GABRA2: variants seen among roughly 807,000 people sequenced by gnomAD.
GABRA2 encodes the protein gamma-aminobutyric acid receptor subunit alpha-2.
A neutral mutation model predicts 48.7 loss-of-function variants in GABRA2; 16 were observed. That is an observed-to-expected ratio of 0.33 (90% CI 0.22 to 0.50). The LOEUF is 0.50. GABRA2 is among the 20% of genes least tolerant of loss of function. GABRA2 has a pLI of 0.98. For synonymous variants in GABRA2, 185 were observed against 184.5 expected, an observed-to-expected ratio of 1.00 and a Z score of -0.02; for missense variants, 275 against 535.6, an observed-to-expected ratio of 0.51 and a Z score of 4.80.
At chr4:46,264,583 G>A (rs1382696913) in intron 8 of GABRA2, among the ~76,000 whole-genome samples, 4 of 151,954 alleles carry the variant, frequency 2.6e-5, no homozygotes, top group East Asian at 1.9e-4. Flanking sequence ...ATTTTAGTTT[G>A]CTAGTATTTT....
At chr4:46,259,232 GA>G (rs1349927864) in intron 9 of GABRA2, among the ~76,000 whole-genome samples, 1 of 151,836 alleles carries the variant, frequency 6.6e-6, no homozygotes, top group Non-Finnish European at 1.5e-5. Flanking sequence ...CACCGGATAT[GA>G]AAAAGGGTTC....
At chr4:46,258,968 AAG>A (rs1000132891) in intron 9 of GABRA2, among the ~76,000 whole-genome samples, 10 of 151,888 alleles carry the variant, frequency 6.6e-5, no homozygotes, top group African/African-American at 2.4e-4. Context: ...GAATACAGAA[AAG>A]AGGGGAGAAG....
At chr4:46,320,041 C>T (rs1454238809) in intron 4 of GABRA2, among the ~76,000 whole-genome samples, 3 of 151,656 alleles carry the variant, frequency 2.0e-5, no homozygotes. Context: ...TTTCATTATA[C>T]CATACATAAA....
In GABRA2 at chr4:46,244,159, G is replaced by C. The variant is rs1049688185; in HGVS notation, c.*6149C>G. 2.0e-5 allele frequency: 3 copies of C among 151,518 alleles called. No homozygotes were observed. Among genetic ancestry groups the C allele is most frequent in the Non-Finnish European group, 1.5e-5 (1 of 67,682 alleles). The allele number at this position is 151,518 out of a possible 1,614,324, so 9.4% of individuals were successfully genotyped here. A position where few individuals can be genotyped will look rare whatever the true frequency, so the allele number is the denominator to read the frequency against. On this transcript the variant is annotated 3_prime_UTR_variant, in exon 10 of 10. Transcript: ENST00000381620. ...ATGAGAATTGTGGCTCAATAATTGA[G>C]TTTTACTTATGTCTTTCTAATTATA...
intron 3 of GABRA2, among the ~76,000 whole-genome samples, chr4:46,377,497 AGCAACCGCCCCGTCTGAGAAGTGAGGAGC>A (rs1560602984): frequency 8.7e-6 from 1 of 114,658 alleles, no homozygotes; most frequent in East Asian, 3.4e-4. Context: ...CCCTCCGCCC[AGCAACCGCCCCGTCTGAGAAGTGAGGAGC>A]CCCTCCGCCC....
At chr4:46,333,596 G>A (rs181790723) in intron 3 of GABRA2, among the ~76,000 whole-genome samples, 1 of 152,106 alleles carries the variant, frequency 6.6e-6, no homozygotes, top group Non-Finnish European at 1.5e-5. Flanking sequence ...AACCATTAGA[G>A]TAAACTATGT....
chr4:46,284,525 T>C (rs751921910), intron 8 of GABRA2, among the ~76,000 whole-genome samples: 9 of 152,158 alleles, frequency 5.9e-5, no homozygotes, highest in Non-Finnish European at 1.3e-4. Context: ...GGCTTTTACT[T>C]TTGCAAAATA....
At chr4:46,387,521 C>A (rs1006850144) in intron 2 of GABRA2, among the ~76,000 whole-genome samples, 1 of 152,052 alleles carries the variant, frequency 6.6e-6, no homozygotes, top group East Asian at 1.9e-4. Context: ...TCACTTTATA[C>A]CCTCTAGCCT....
intron 8 of GABRA2, among the ~76,000 whole-genome samples, chr4:46,272,611 A>G (rs1053219477): frequency 6.6e-5 from 10 of 151,990 alleles, no homozygotes; most frequent in African/African-American, 2.4e-4. Context: ...CCACCTTGAA[A>G]TGGGGGTTGG....
intron 3 of GABRA2, among the ~76,000 whole-genome samples, chr4:46,348,770 T>A (rs1472267126): frequency 2.0e-5 from 2 of 101,604 alleles, no homozygotes. Flanking sequence ...CTCCGGGGAC[T>A]GTTGTGGGGT....
intron 8 of GABRA2, among the ~76,000 whole-genome samples, chr4:46,297,156 G>A (rs181423686): frequency 5.3e-4 from 80 of 152,176 alleles, no homozygotes; most frequent in Admixed American, 1.6e-3. Flanking sequence ...GGGTGTGTCC[G>A]TTAGGGTGTT....
intron 3 of GABRA2, among the ~76,000 whole-genome samples, chr4:46,378,788 A>G (rs1383985533): frequency 6.6e-6 from 1 of 151,680 alleles, no homozygotes; most frequent in Non-Finnish European, 1.5e-5. Context: ...GATTGAGTCC[A>G]CTGTATTCCA....
At chr4:46,318,358 A>G (rs1014609212) in intron 4 of GABRA2, among the ~76,000 whole-genome samples, 2 of 151,352 alleles carry the variant, frequency 1.3e-5, no homozygotes, top group African/African-American at 4.8e-5. Flanking sequence ...ATAAACAAAT[A>G]TAGCTGACTA....
At chr4:46,389,332 T>G (rs1235900785) in intron 1 of GABRA2, 1 of 985,190 alleles carries the variant, frequency 1.0e-6, no homozygotes, top group Non-Finnish European at 1.2e-6. Context: ...CAAGACCAAG[T>G]CTTAGAGGCA....
chr4:46,312,740 T>C, intron 4 of GABRA2, 24 bp from the exon 5 acceptor site: 1 of 1,247,546 alleles, frequency 8.0e-7, no homozygotes, highest in African/African-American at 1.5e-5. Context: ...TAGAATTTTT[T>C]TGAAAATAGT....
intron 3 of GABRA2, among the ~76,000 whole-genome samples, chr4:46,343,912 T>C (rs957922234): frequency 6.6e-6 from 1 of 151,932 alleles, no homozygotes; most frequent in Non-Finnish European, 1.5e-5. Context: ...TTAGTTATCC[T>C]CTATGCACCT....
At chr4:46,292,078 TGGCTAGAGAGA>T (rs1397257264) in intron 8 of GABRA2, among the ~76,000 whole-genome samples, 1 of 152,118 alleles carries the variant, frequency 6.6e-6, no homozygotes, top group East Asian at 1.9e-4. Flanking sequence ...TCCTGATTCA[TGGCTAGAGAGA>T]GGCAAGGACT....
intron 3 of GABRA2, among the ~76,000 whole-genome samples, chr4:46,337,841 TGGAG>T (rs1349111116): frequency 7.2e-5 from 11 of 151,802 alleles, no homozygotes; most frequent in Admixed American, 2.0e-4. Flanking sequence ...GGAAAGTAAA[TGGAG>T]GGTAAGGACA....
chr4:46,320,928 C>G (rs279848), intron 4 of GABRA2, among the ~76,000 whole-genome samples: 56,829 of 151,632 alleles, frequency 0.37, 11,384 homozygotes, highest in East Asian at 0.52. Context: ...TTGGCATTCA[C>G]ATGCTCATTG....
Sources: gnomAD v4.1 joint callset for allele counts (sites outside exome capture counted in the v4.1 genomes callset) on GRCh38, gnomAD v4.1.1 for gene constraint, MANE v1.5 for transcripts, NCBI Gene and HGNC (gene_info 2026-07-23, HGNC 2026-07-21) for gene names.